IQSEC3: variants seen among roughly 807,000 people sequenced by gnomAD.
The protein encoded by IQSEC3 is IQ motif and SEC7 domain-containing protein 3.
In IQSEC3, 50 loss-of-function variants were observed where a neutral mutation model predicts 105.4. The observed-to-expected ratio is 0.47, with a 90% CI of 0.38 to 0.60. The LOEUF (loss-of-function observed/expected upper bound fraction) is 0.60, where lower values mean the gene tolerates loss of function less well. Ranked by LOEUF, IQSEC3 falls within the 20% of genes least tolerant of loss-of-function variation. The pLI, the probability that IQSEC3 is intolerant of heterozygous loss-of-function variation, is 0.00. For missense variants in IQSEC3, 1,415 were observed against 1,630.0 expected, an observed-to-expected ratio of 0.87 and a Z score of 2.27; for synonymous variants, 708 against 746.0, an observed-to-expected ratio of 0.95 and a Z score of 0.83.
At position 151,832 on chromosome 12, in the gene IQSEC3, C is replaced by T. The variant is rs527567447; in HGVS notation, c.2154-5193C>T. ...CTTTGCATATGCTTCCTCCCTTAGC[C>T]CACCTGACAGCTCTCCCCTCTCTCC... On this transcript the variant is annotated intron_variant, in intron 5 of 13. Coordinates refer to ENST00000538872, the MANE Select transcript of IQSEC3 (RefSeq NM_001170738.2). 3.3e-5 allele frequency among the ~76,000 whole-genome samples: 5 copies of T among 152,230 alleles called. No homozygotes were observed. In the South Asian group the frequency reaches 1.0e-3, roughly 32 times the overall value.
chr12:139,139 C>A lies in IQSEC3; in HGVS notation c.1776C>A (p.Gly592=), dbSNP rs1231476534. 2 of 1,525,726 alleles carry A rather than the reference C, an allele frequency of 1.3e-6. No homozygotes were observed. 94.5% of individuals were successfully genotyped at this position (1,525,726 alleles called of 1,614,324 possible). Residue 592 remains glycine (G), a synonymous_variant, in exon 4 of 14, where the codon GGC becomes GGA. Coordinates refer to ENST00000538872, the MANE Select transcript of IQSEC3 (RefSeq NM_001170738.2). ...EVGRGAEAEA[G]DLEQLSSSST... is the part of the protein sequence containing the mutation. ...GGAGAGGGGCCGAGGCCGAGGCAGGCGACTTGGAGCAGCTGAGCAGCAGCA... is the reference window on the plus strand; with the variant it reads ...GGAGAGGGGCCGAGGCCGAGGCAGGAGACTTGGAGCAGCTGAGCAGCAGCA...
chr12:88,990 C>A (rs1177373191), intron 1 of IQSEC3, among the ~76,000 whole-genome samples: 1 of 152,102 alleles, frequency 6.6e-6, no homozygotes, highest in East Asian at 1.9e-4. Context: ...GAATATGAAT[C>A]CCCCACAGTT....
intron 3 of IQSEC3, among the ~76,000 whole-genome samples, chr12:126,775 C>T (rs1865429993): frequency 6.6e-6 from 1 of 152,148 alleles, no homozygotes; most frequent in African/African-American, 2.4e-5. Flanking sequence ...GTCCCTTCTG[C>T]CCCAAAATGT....
intron 13 of IQSEC3, 34 bp downstream of exon 13, chr12:171,195 T>C: frequency 6.2e-7 from 1 of 1,613,894 alleles, no homozygotes; most frequent in Admixed American, 1.7e-5. Flanking sequence ...GGTGAGTGAC[T>C]ACCCTGCCCC....
At chr12:149,843 G>C (rs1405385898) in intron 5 of IQSEC3, among the ~76,000 whole-genome samples, 4 of 152,098 alleles carry the variant, frequency 2.6e-5, no homozygotes, top group African/African-American at 9.7e-5. Flanking sequence ...CCAGGCTGCA[G>C]GGGGGGACCA....
chr12:114,734 C>T (rs1261381299), intron 2 of IQSEC3, among the ~76,000 whole-genome samples: 2 of 152,146 alleles, frequency 1.3e-5, no homozygotes, highest in Non-Finnish European at 2.9e-5. Flanking sequence ...AGTTTGACTG[C>T]CTGTTCTCCT....
At chr12:88,282 C>G (rs1863979881) in intron 1 of IQSEC3, among the ~76,000 whole-genome samples, 1 of 152,158 alleles carries the variant, frequency 6.6e-6, no homozygotes, top group African/African-American at 2.4e-5. Flanking sequence ...TGGTGGGGCA[C>G]TGGGCCTCTT....
intron 1 of IQSEC3, among the ~76,000 whole-genome samples, chr12:94,009 C>T (rs1034333098): frequency 1.3e-5 from 2 of 152,214 alleles, no homozygotes; most frequent in African/African-American, 4.8e-5. Flanking sequence ...CCTGCAGAAC[C>T]GTGAGCCAAA....
chr12:79,853 C>T (rs1382992693), intron 1 of IQSEC3, among the ~76,000 whole-genome samples: 1 of 152,174 alleles, frequency 6.6e-6, no homozygotes, highest in Non-Finnish European at 1.5e-5. Flanking sequence ...TTATTTCTCA[C>T]GTCTTTCCAG....
Position 138,202 on chromosome 12 carries a change from T to C in IQSEC3, c.904-65T>C. 1 of 1,422,964 alleles carries C rather than the reference T, an allele frequency of 7.0e-7. No individual in the cohort carries two copies. The highest frequency in any genetic ancestry group is 9.6e-7 in the Non-Finnish European group (1 of 1,038,286). The allele number at this position is 1,422,964 out of a possible 1,614,324, so 88.1% of individuals were successfully genotyped here. On this transcript the variant is annotated intron_variant, in intron 3 of 13. Transcript: ENST00000538872. The surrounding 1 kb of genome is among the most constrained non-coding windows in gnomAD (Gnocchi z 7.1). Reference sequence around the variant, plus strand: ...GAGTGTGGCCGGGTGACTCCACCACTCCTCAGAAGGGCTGACCACCCTTCC... The same window carrying C: ...GAGTGTGGCCGGGTGACTCCACCACCCCTCAGAAGGGCTGACCACCCTTCC...
intron 2 of IQSEC3, among the ~76,000 whole-genome samples, chr12:107,478 C>G (rs944957373): frequency 7.7e-6 from 1 of 129,538 alleles, no homozygotes; most frequent in South Asian, 2.6e-4. Context: ...GGCACAATCT[C>G]GGCTCACTGC....
At chr12:108,082 C>A (rs1221789682) in intron 2 of IQSEC3, among the ~76,000 whole-genome samples, 1 of 152,106 alleles carries the variant, frequency 6.6e-6, no homozygotes, top group East Asian at 1.9e-4. Context: ...GCTTTATCCA[C>A]AAGCCTGTTC....
intron 12 of IQSEC3, 136 bp from the exon 13 acceptor site, chr12:170,976 G>A: frequency 9.8e-7 from 1 of 1,020,770 alleles, no homozygotes; most frequent in Non-Finnish European, 1.5e-6. Context: ...GGCAGAGTGG[G>A]GCTCCCAACC....
chr12:68,799 T>C (rs1165506685), intron 1 of IQSEC3, among the ~76,000 whole-genome samples: 2 of 152,232 alleles, frequency 1.3e-5, no homozygotes, highest in Non-Finnish European at 2.9e-5. Context: ...GTTAGAGAAG[T>C]TGGGTTAGGG....
In IQSEC3 at chr12:99,116, C is replaced by T. The variant is rs1296541964; in HGVS notation, c.555-30C>T. On this transcript the variant is annotated intron_variant, in intron 1 of 13. Transcript: ENST00000538872. ...GGGCGGGGACCCAGCCTGCCTCAGGCGCTCTGATCTCCCTCTGCTCTGCCC... is the reference window on the plus strand; with the variant it reads ...GGGCGGGGACCCAGCCTGCCTCAGGTGCTCTGATCTCCCTCTGCTCTGCCC... The T allele has an allele frequency of 1.8e-5, 28 of 1,586,410 alleles. No individual in the cohort carries two copies. The Admixed American group carries it at 2.0e-4, about 11-fold the overall frequency.
chr12:151,704 G>A (rs10431344), intron 5 of IQSEC3, among the ~76,000 whole-genome samples: 15,527 of 152,158 alleles, frequency 0.1, 985 homozygotes, highest in South Asian at 0.23. Flanking sequence ...CTGACAGACT[G>A]AGCCCTGGCT....
chr12:165,548 G>C lies in IQSEC3; in HGVS notation c.2809+15G>C. The C allele has an allele frequency of 1.2e-6, 2 of 1,608,000 alleles. No homozygotes were observed. The highest frequency in any genetic ancestry group is 1.7e-6 in the Non-Finnish European group (2 of 1,174,420). ...TGAGAACGAGTGTAAGTCTTTGACA[G>C]CCAGTGTAAGTCTTTGAGAAGGAAT... On this transcript the variant is annotated intron_variant, in intron 10 of 13. Transcript: ENST00000538872.
intron 4 of IQSEC3, 85 bp downstream of exon 4, chr12:139,439 G>C (rs1555088456): frequency 1.5e-5 from 18 of 1,197,816 alleles, no homozygotes. Context: ...CCACCAAGCA[G>C]GGCGCCAGGT....
At chr12:170,986 C>T (rs1194331758) in intron 12 of IQSEC3, 126 bp from the exon 13 acceptor site, 7 of 1,173,852 alleles carry the variant, frequency 6.0e-6, no homozygotes, top group Non-Finnish European at 8.7e-6. Flanking sequence ...GGCTCCCAAC[C>T]TCCGCCTCAG....
Sources: gnomAD v4.1 joint callset for allele counts (sites outside exome capture counted in the v4.1 genomes callset) on GRCh38, gnomAD v4.1.1 for gene constraint, Gnocchi (gnomAD v3.1) non-coding constraint, MANE v1.5 for transcripts, NCBI Gene and HGNC (gene_info 2026-07-23, HGNC 2026-07-21) for gene names.